The following KDM4A variants were observed in gnomAD, a reference collection of about 807,000 sequenced individuals.
KDM4A encodes lysine-specific demethylase 4A.
In KDM4A, 23 loss-of-function variants were observed where a neutral mutation model predicts 127.1. That is an observed-to-expected ratio of 0.18 (90% confidence interval 0.13 to 0.26). KDM4A has a LOEUF of 0.26. Ranked by LOEUF, KDM4A falls within the 10% of genes least tolerant of loss-of-function variation. The pLI is 1.00. For missense variants in KDM4A, 890 were observed against 1,329.1 expected (o/e 0.67, Z 5.14); for synonymous variants, 443 against 466.5 (o/e 0.95, Z 0.65).
chr1:43,653,110 T>C (rs1557901097), intron 1 of KDM4A, 27 bp from the exon 2 acceptor site: 7 of 1,254,900 alleles, frequency 5.6e-6, no homozygotes, highest in Non-Finnish European at 7.6e-6. Context: ...TTTTATATTA[T>C]TTTATACTCT....
At chr1:43,673,834 C>T (rs1268571504) in intron 11 of KDM4A, among the ~76,000 whole-genome samples, 3 of 152,250 alleles carry the variant, frequency 2.0e-5, no homozygotes, top group African/African-American at 7.2e-5. Context: ...CTGTTCACTA[C>T]AGTTCATGCT....
At chr1:43,696,722 T>C (rs954977424) in intron 18 of KDM4A, among the ~76,000 whole-genome samples, 9 of 152,188 alleles carry the variant, frequency 5.9e-5, no homozygotes, top group African/African-American at 2.2e-4. Flanking sequence ...ATACACAGAA[T>C]AGTTATTTTG....
Position 43,665,700 on chromosome 1 carries a change from T to A in KDM4A, c.628T>A (p.Ser210Thr), listed in dbSNP as rs995781690. The part of the protein sequence containing the change: ...LHFGEPKSWY[S>T]VPPEHGKRLE... ...GATGCTCTCATGTGATTGCAGGTACTCTGTTCCACCTGAGCATGGAAAGCG... is the reference window on the plus strand; with the variant it reads ...GATGCTCTCATGTGATTGCAGGTACACTGTTCCACCTGAGCATGGAAAGCG... Residue 210 changes from serine to threonine, a missense_variant, in exon 6 of 22, where the codon TCT becomes ACT. By Grantham distance (58) the Ser-to-Thr change is moderately conservative (BLOSUM62 1). Transcript: ENST00000372396. The A allele has an allele frequency of 3.1e-6, 5 of 1,614,012 alleles. No individual in the cohort carries two copies. In the African/African-American group the frequency reaches 6.7e-5, roughly 22 times the overall value.
intron 3 of KDM4A, among the ~76,000 whole-genome samples, chr1:43,657,502 A>G (rs958713437): frequency 5.3e-5 from 8 of 152,082 alleles, no homozygotes; most frequent in African/African-American, 1.9e-4. Flanking sequence ...TGCCCGGCCA[A>G]CCTTAACTCT....
chr1:43,653,370 T>G, intron 2 of KDM4A, 57 bp downstream of exon 2: 1 of 1,502,494 alleles, frequency 6.7e-7, no homozygotes, highest in Non-Finnish European at 8.9e-7. Flanking sequence ...CAGTAAGATT[T>G]TTTTCCTACA....
chr1:43,693,956 G>T lies in KDM4A; in HGVS notation c.2376-38G>T. The T allele has an allele frequency of 6.4e-7, 1 of 1,569,648 alleles. No homozygotes were observed. Among genetic ancestry groups the T allele is most frequent in the Non-Finnish European group, 8.8e-7 (1 of 1,140,230 alleles). On this transcript the variant is annotated intron_variant, in intron 16 of 21. Transcript: ENST00000372396. This position sits in a 1 kb window ranked among gnomAD's most constrained non-coding sequence, Gnocchi z 4.2. ...AAAAGAGAAGGCCACAGAGCCTTGG[G>T]CCCAGAGGTGACTGAGGGAGCCTTT...
chr1:43,677,064 G>T (rs1660757234), intron 11 of KDM4A, among the ~76,000 whole-genome samples: 1 of 152,016 alleles, frequency 6.6e-6, no homozygotes, highest in Non-Finnish European at 1.5e-5. Flanking sequence ...GGTCATTTTT[G>T]GCTGGGCGCA....
At chr1:43,698,451 C>G (rs1661297763) in intron 19 of KDM4A, among the ~76,000 whole-genome samples, 1 of 152,158 alleles carries the variant, frequency 6.6e-6, no homozygotes, top group Non-Finnish European at 1.5e-5. Context: ...TCACAGTGGG[C>G]TTTAGGGCTA....
intron 4 of KDM4A, among the ~76,000 whole-genome samples, chr1:43,661,846 C>T (rs927454780): frequency 3.9e-5 from 6 of 152,052 alleles, no homozygotes; most frequent in African/African-American, 1.4e-4. Flanking sequence ...TTTATGAAGA[C>T]ACTGCCTGGT....
intron 5 of KDM4A, 92 bp from the exon 6 acceptor site, chr1:43,665,604 T>A (rs1375674067): frequency 8.7e-7 from 1 of 1,145,696 alleles, no homozygotes; most frequent in Admixed American, 2.0e-5. Context: ...AAAAAAAATC[T>A]GCTATTTCAA....
intron 19 of KDM4A, among the ~76,000 whole-genome samples, chr1:43,701,529 G>A (rs575268276): frequency 6.9e-4 from 105 of 151,872 alleles, no homozygotes; most frequent in Non-Finnish European, 1.3e-3. Flanking sequence ...GCTCTGTTGC[G>A]CAGCACCACT....
intron 11 of KDM4A, among the ~76,000 whole-genome samples, chr1:43,678,182 G>C (rs560385632): frequency 6.6e-6 from 1 of 152,176 alleles, no homozygotes; most frequent in African/African-American, 2.4e-5. Flanking sequence ...GGTACGTCTA[G>C]AGGGGGACTT....
intron 11 of KDM4A, among the ~76,000 whole-genome samples, chr1:43,673,360 A>G (rs904442865): frequency 6.6e-6 from 1 of 152,134 alleles, no homozygotes. Flanking sequence ...TACGTACAAA[A>G]TACCATCACG....
chr1:43,667,007 C>T lies in KDM4A; in HGVS notation c.831C>T (p.Ala277=), dbSNP rs146415834. ...FMITFPYGYH[A]GFNHGFNCAE... ...TCACTTTCCCTTATGGTTACCATGC[C>T]GGCTTTAACCATGGTTTTAACTGTG... The change falls in exon 8 of 22, where the codon GCC becomes GCT. Residue 277 remains alanine, a synonymous_variant. Coordinates refer to ENST00000372396, the MANE Select transcript of KDM4A (RefSeq NM_014663.3). 196 of 1,613,942 alleles carry T rather than the reference C, an allele frequency of 1.2e-4. 2 individuals carry two copies. In the South Asian group the frequency reaches 1.3e-3, roughly 11 times the overall value.
intron 11 of KDM4A, among the ~76,000 whole-genome samples, chr1:43,672,623 T>C (rs560409527): frequency 6.6e-6 from 1 of 152,066 alleles, no homozygotes; most frequent in Non-Finnish European, 1.5e-5. Context: ...GCCTCCCGAG[T>C]AGCTGGGACT....
chr1:43,678,497 G>A (rs1660787892), intron 11 of KDM4A, among the ~76,000 whole-genome samples: 1 of 152,084 alleles, frequency 6.6e-6, no homozygotes, highest in Admixed American at 6.6e-5. Flanking sequence ...CCTGCCAAGT[G>A]GGGGAAGTTG....
rs974161132 is a variant in KDM4A, at chr1:43,704,791, G to A, written c.*421G>A. 2.8e-5 allele frequency: 5 copies of A among 176,788 alleles called. No homozygotes were observed. Among genetic ancestry groups the A allele is most frequent in the African/African-American group, 7.2e-5 (3 of 41,758 alleles). The allele number at this position is 176,788 out of a possible 1,614,324, so 11.0% of individuals were successfully genotyped here. ...TATATGTGTGTGTGTGTGTGCGTGC[G>A]TGCGTGCGTGCGTGTATGTTTGGTC... On this transcript the variant is annotated 3_prime_UTR_variant, in exon 22 of 22. Transcript: ENST00000372396.
intron 3 of KDM4A, among the ~76,000 whole-genome samples, chr1:43,657,185 G>T (rs183186867): frequency 7.1e-4 from 108 of 152,172 alleles, no homozygotes; most frequent in African/African-American, 2.5e-3. Context: ...ACTGCATCCG[G>T]CTGACACCTT....
Position 43,693,749 on chromosome 1 carries a change from G to A in KDM4A, c.2376-245G>A, listed in dbSNP as rs1465018931. ...TTCATTTTTCAACAGAGTGGTGTAA[G>A]AAGCATGATCCGGTGCTAACCTAGG... On this transcript the variant is annotated intron_variant, in intron 16 of 21. Coordinates refer to ENST00000372396, the MANE Select transcript of KDM4A (RefSeq NM_014663.3). This position sits in a 1 kb window ranked among gnomAD's most constrained non-coding sequence, Gnocchi z 4.2. Among the ~76,000 whole-genome samples the A allele has an allele frequency of 6.6e-6, 1 of 152,242 alleles. No individual in the cohort carries two copies. The highest frequency in any genetic ancestry group is 2.4e-5 in the African/African-American group (1 of 41,464).
Sources: allele counts gnomAD v4.1 joint callset (sites outside exome capture counted in the v4.1 genomes callset), GRCh38; gene constraint gnomAD v4.1.1; non-coding constraint Gnocchi (gnomAD v3.1); transcripts MANE v1.5; gene names NCBI Gene and HGNC (gene_info 2026-07-23, HGNC 2026-07-21).